The following RASIP1 variants were observed in gnomAD, a reference collection of about 807,000 sequenced individuals.
RASIP1 encodes Ras interacting protein 1.
RASIP1 carries 20 observed loss-of-function variants against 85.3 expected under a neutral mutation model. The observed-to-expected ratio is 0.23, with a 90% CI of 0.17 to 0.34. The LOEUF (loss-of-function observed/expected upper bound fraction) is 0.34, where lower values mean the gene tolerates loss of function less well. Ranked by LOEUF, RASIP1 falls within the 10% of genes least tolerant of loss-of-function variation. The pLI, the probability that RASIP1 is intolerant of heterozygous loss-of-function variation, is 1.00. For missense variants in RASIP1, 1,170 were observed against 1,390.9 expected (o/e 0.84, Z 2.53); for synonymous variants, 617 against 647.1 (o/e 0.95, Z 0.71).
At chr19:48,726,712 CAAACAGGAAGTGATATTACGTG>C in intron 8 of RASIP1, 51 bp downstream of exon 8, 1 of 1,205,606 alleles carries the variant, frequency 8.3e-7, no homozygotes, top group South Asian at 1.4e-5. Context: ...GATGTTACCA[CAAACAGGAAGTGATATTACGTG>C]AAACAGGAAG....
Position 48,733,822 on chromosome 19 carries a change from G to A in RASIP1, c.1179+1374C>T, listed in dbSNP as rs530397009. 3.7e-4 allele frequency among the ~76,000 whole-genome samples: 55 copies of A among 150,486 alleles called. 1 individual carries two copies. The highest frequency in any genetic ancestry group is 1.9e-4 in the Non-Finnish European group (13 of 67,518). ...ATCCATCTCAAAAAAAAAAAAGTGT[G>A]GGGGGGAGGGGGCAGTGCACTCCTA... On this transcript the variant is annotated intron_variant, in intron 4 of 11. Transcript: ENST00000222145.
In RASIP1 at chr19:48,740,561, T is replaced by C; in HGVS notation, c.-45A>G. On this transcript the variant is annotated 5_prime_UTR_variant, in exon 1 of 12. Transcript: ENST00000222145. The surrounding 1 kb of genome is among the most constrained non-coding windows in gnomAD (Gnocchi z 5.5). ...GCACACCCGGAGGCCCTGGCTCCAC[T>C]GGCCTGGGTCAGTTCCACTGCTCTT... 7.2e-7 allele frequency: 1 copy of C among 1,383,216 alleles called. No homozygotes were observed. The highest frequency in any genetic ancestry group is 2.7e-4 in the Middle Eastern group (1 of 3,736). The allele number at this position is 1,383,216 out of a possible 1,614,324, so 85.7% of individuals were successfully genotyped here.
chr19:48,726,663 G>T, intron 8 of RASIP1, 122 bp downstream of exon 8: 1 of 773,424 alleles, frequency 1.3e-6, no homozygotes, highest in Non-Finnish European at 2.0e-6. Context: ...GAGTCAAATA[G>T]TGACATCAGA....
chr19:48,737,912 TTTTC>T, intron 3 of RASIP1: 1 of 985,344 alleles, frequency 1.0e-6, no homozygotes, highest in Non-Finnish European at 1.2e-6. Context: ...TCCAATTCCT[TTTTC>T]TTTTTCTGGA....
At chr19:48,726,598 C>A (rs1201954445) in intron 8 of RASIP1, among the ~76,000 whole-genome samples, 187 bp downstream of exon 8, 6 of 152,210 alleles carry the variant, frequency 3.9e-5, no homozygotes, top group Non-Finnish European at 4.4e-5. Flanking sequence ...GGTGTCAGAA[C>A]AGCAAAGTCC....
At chr19:48,725,840 G>A (rs577498905) in intron 8 of RASIP1, among the ~76,000 whole-genome samples, 162 of 152,260 alleles carry the variant, frequency 1.1e-3, no homozygotes, top group Admixed American at 2.7e-3. Flanking sequence ...TAGAAAGTGG[G>A]AGATTCAGAA....
rs1009286249 is a variant in RASIP1 at position 48,729,149 on chromosome 19, G to C, written c.1621C>G (p.Arg541Gly). 64 of 1,325,488 alleles carry C rather than the reference G, an allele frequency of 4.8e-5. No homozygotes were observed. The highest frequency in any genetic ancestry group is 6.0e-5 in the Non-Finnish European group (62 of 1,036,684). 82.1% of individuals were successfully genotyped at this position (1,325,488 alleles called of 1,614,324 possible). ...GGCCGGAAGCGCAGGACTGGCTCAC[G>C]GCCGTCCAGGTAGGCGGCCAGTGCC... ...GEALAAYLDG[R>G]EPVLRFRPRE... is the part of the protein sequence containing the mutation. Residue 541 changes from arginine to glycine, a missense_variant, in exon 5 of 12, where the codon CGT becomes GGT. Arg to Gly is a moderately radical substitution (Grantham distance 125, BLOSUM62 -2). This residue lies in a region of RASIP1 where 426 missense variants were observed against 576.2 expected (regional missense o/e 0.74). Coordinates refer to ENST00000222145, the MANE Select transcript of RASIP1 (RefSeq NM_017805.3).
rs2033312386 is a variant in RASIP1 at position 48,724,751 on chromosome 19, G to T, written c.2337C>A (p.Ser779=). The change falls in exon 9 of 12, where the codon TCC becomes TCA. Residue 779 remains serine, a synonymous_variant. Transcript: ENST00000222145. The surrounding 1 kb of genome is among the most constrained non-coding windows in gnomAD (Gnocchi z 4.6). ...SQTFGYLFFF[S]NASLLNSLME... ...TCAGCGAGTTGAGAAGGGATGCGTT[G>T]GAGAAGAAGAACAAGTAGCCAAAAG... 6.2e-7 allele frequency: 1 copy of T among 1,614,192 alleles called. No homozygotes were observed. The highest frequency in any genetic ancestry group is 8.5e-7 in the Non-Finnish European group (1 of 1,180,048).
In RASIP1 at chr19:48,738,906, G is replaced by T. The variant is rs1386784185; in HGVS notation, c.823+54C>A. ...AGCCCCGCCCAGGCCCCGCCCCACG[G>T]ACCCCGCCTCTCTGGCACCGAGTCC... On this transcript the variant is annotated intron_variant, in intron 3 of 11. Coordinates refer to ENST00000222145, the MANE Select transcript of RASIP1 (RefSeq NM_017805.3). The surrounding 1 kb of genome is among the most constrained non-coding windows in gnomAD (Gnocchi z 4.0). 9.0e-7 allele frequency: 1 copy of T among 1,108,368 alleles called. No individual in the cohort carries two copies. The highest frequency in any genetic ancestry group is 1.1e-6 in the Non-Finnish European group (1 of 907,670). The allele number at this position is 1,108,368 out of a possible 1,614,324, so 68.7% of individuals were successfully genotyped here. A position where few individuals can be genotyped will look rare whatever the true frequency, so the allele number is the denominator to read the frequency against.
Position 48,724,044 on chromosome 19 carries a change from G to A in RASIP1, c.2544+293C>T, listed in dbSNP as rs2033298612. On this transcript the variant is annotated intron_variant, in intron 10 of 11. Transcript: ENST00000222145. The surrounding 1 kb of genome is among the most constrained non-coding windows in gnomAD (Gnocchi z 4.6). ...GCTGGTCTCAAACTCCTGGCCTCAAGTGATCCACCTACTTAGGCCTCCCAA... is the reference window on the plus strand; with the variant it reads ...GCTGGTCTCAAACTCCTGGCCTCAAATGATCCACCTACTTAGGCCTCCCAA... 6.6e-6 allele frequency among the ~76,000 whole-genome samples: 1 copy of A among 152,226 alleles called. No individual in the cohort carries two copies. The highest frequency in any genetic ancestry group is 2.4e-5 in the African/African-American group (1 of 41,458).
chr19:48,738,983 GCCT>G lies in RASIP1; in HGVS notation c.797_799del (p.Glu266del). On this transcript the variant is annotated inframe_deletion, in exon 3 of 12. Coordinates refer to ENST00000222145, the MANE Select transcript of RASIP1 (RefSeq NM_017805.3). The surrounding 1 kb of genome is among the most constrained non-coding windows in gnomAD (Gnocchi z 4.0). ...ACCTTCGCTGTCCGCGGCCCCGAAG[GCCT>G]CCTGCTCCAGGCGCCGCGCCTCCTC... 1 of 1,229,604 alleles carries G rather than the reference GCCT, an allele frequency of 8.1e-7. No individual in the cohort carries two copies. Among genetic ancestry groups the G allele is most frequent in the Non-Finnish European group, 1.0e-6 (1 of 989,328 alleles). 76.2% of individuals were successfully genotyped at this position (1,229,604 alleles called of 1,614,324 possible). A position where few individuals can be genotyped will look rare whatever the true frequency, so the allele number is the denominator to read the frequency against.
chr19:48,728,901 G>A (rs2122441314), intron 5 of RASIP1, 36 bp downstream of exon 5: 1 of 1,417,642 alleles, frequency 7.1e-7, no homozygotes, highest in East Asian at 3.0e-5. Context: ...GACTTGGGGC[G>A]CTGGTGGGGC....
At chr19:48,730,851 T>A (rs1272150912) in intron 4 of RASIP1, among the ~76,000 whole-genome samples, 2 of 152,130 alleles carry the variant, frequency 1.3e-5, no homozygotes, top group Non-Finnish European at 2.9e-5. Context: ...AACCTGTCTC[T>A]ACTAAAAATA....
intron 10 of RASIP1, 89 bp from the exon 11 acceptor site, chr19:48,722,090 G>C: frequency 7.9e-7 from 1 of 1,263,532 alleles, no homozygotes; most frequent in Non-Finnish European, 1.1e-6. Flanking sequence ...GAGTGGGTGT[G>C]GTGGGAAGAT....
intron 4 of RASIP1, 93 bp downstream of exon 4, chr19:48,735,103 G>C: frequency 1.7e-6 from 2 of 1,197,996 alleles, no homozygotes; most frequent in East Asian, 2.5e-5. Context: ...AGGCTAGCGC[G>C]CCCCGGGCCT....
chr19:48,739,708 G>T lies in RASIP1; in HGVS notation c.138-63C>A. 1 of 1,364,314 alleles carries T rather than the reference G, an allele frequency of 7.3e-7. No homozygotes were observed. Among genetic ancestry groups the T allele is most frequent in the Non-Finnish European group, 9.4e-7 (1 of 1,060,084 alleles). The allele number at this position is 1,364,314 out of a possible 1,614,324, so 84.5% of individuals were successfully genotyped here. A position where few individuals can be genotyped will look rare whatever the true frequency, so the allele number is the denominator to read the frequency against. Reference sequence around the variant, plus strand: ...ACCCAGGACGACACGCCAAGACGGGGGTGGGGGCATATTAGGAGGGAAGTG... The same window carrying T: ...ACCCAGGACGACACGCCAAGACGGGTGTGGGGGCATATTAGGAGGGAAGTG... On this transcript the variant is annotated intron_variant, in intron 2 of 11. Coordinates refer to ENST00000222145, the MANE Select transcript of RASIP1 (RefSeq NM_017805.3). This position sits in a 1 kb window ranked among gnomAD's most constrained non-coding sequence, Gnocchi z 9.2.
At position 48,720,647 on chromosome 19, in the gene RASIP1, C is replaced by G. The variant is rs372524255; in HGVS notation, c.*151G>C. ...TCACATCCTAAGCCCATGCTCCCAC[C>G]GTCCCATCCGCTACTTCCCGAAAAC... On this transcript the variant is annotated 3_prime_UTR_variant, in exon 12 of 12. Transcript: ENST00000222145. The G allele has an allele frequency of 1.1e-5, 9 of 814,402 alleles. No homozygotes were observed. In the South Asian group the frequency reaches 1.4e-4, roughly 13 times the overall value. 50.4% of individuals were successfully genotyped at this position (814,402 alleles called of 1,614,324 possible).
In RASIP1 at chr19:48,729,286, G is replaced by C. The variant is rs1228949634; in HGVS notation, c.1484C>G (p.Ser495Trp). Residue 495 changes from serine to tryptophan, a missense_variant, in exon 5 of 12, where the codon TCG becomes TGG. By Grantham distance (177) the Ser-to-Trp change is radical. Transcript: ENST00000222145. ...FMYKDPRTGGSGPARPPWLPA... is the reference protein window; with the variant it reads ...FMYKDPRTGGWGPARPPWLPA... ...CAGCCACGGCGGCCTCGCAGGCCCC[G>C]AGCCCCCAGTGCGGGGGTCCTTGTA... The C allele has an allele frequency of 6.5e-7, 1 of 1,540,598 alleles. No individual in the cohort carries two copies. Among genetic ancestry groups the C allele is most frequent in the Admixed American group, 2.0e-5 (1 of 49,060 alleles).
chr19:48,735,412 C>T lies in RASIP1; in HGVS notation c.963G>A (p.Leu321=), dbSNP rs1274902983. 9 of 1,612,220 alleles carry T rather than the reference C, an allele frequency of 5.6e-6. No homozygotes were observed. Among genetic ancestry groups the T allele is most frequent in the Non-Finnish European group, 7.6e-6 (9 of 1,179,566 alleles). The change falls in exon 4 of 12, where the codon TTG becomes TTA. Residue 321 remains leucine, a synonymous_variant. Transcript: ENST00000222145. ...GSGGKERSEN[L]SLRRSVSELS... is the part of the protein sequence containing the mutation. The stretch of plus-strand genomic sequence containing the variant: ...GCTCCGACACGCTGCGCCGCAAAGA[C>T]AAGTTTTCTGAGCGCTCCTTGCCTC...
Sources: allele counts gnomAD v4.1 joint callset (sites outside exome capture counted in the v4.1 genomes callset), GRCh38; gene constraint gnomAD v4.1.1; regional missense constraint gnomAD v4.1.1; non-coding constraint Gnocchi (gnomAD v3.1); transcripts MANE v1.5; gene names NCBI Gene and HGNC (gene_info 2026-07-23, HGNC 2026-07-21).